The following SMYD3 variants were observed in gnomAD, a reference collection of about 807,000 sequenced individuals.
SMYD3 encodes the protein SET and MYND domain containing 3.
In SMYD3, 36 loss-of-function variants were observed where a neutral mutation model predicts 57.7. The ratio of observed to expected loss-of-function variants is 0.62; its 90% CI spans 0.48 to 0.82. The LOEUF (loss-of-function observed/expected upper bound fraction) is 0.82, where lower values mean the gene tolerates loss of function less well. Among genes scored for constraint, SMYD3 ranks in the 40% least tolerant of loss-of-function variants. The pLI, the probability that SMYD3 is intolerant of heterozygous loss-of-function variation, is 0.00. For synonymous variants in SMYD3, 211 were observed against 195.0 expected, an observed-to-expected ratio of 1.08 and a Z score of -0.68; for missense variants, 515 against 538.8, an observed-to-expected ratio of 0.96 and a Z score of 0.44.
intron 1 of SMYD3, among the ~76,000 whole-genome samples, chr1:246,386,682 A>G (rs936516386): frequency 6.6e-6 from 1 of 151,930 alleles, no homozygotes; most frequent in African/African-American, 2.4e-5. Context: ...GTTACTGAGG[A>G]GACCATATAA....
In SMYD3 at chr1:246,327,318, TTCAG is replaced by T. The variant is rs761630730; in HGVS notation, c.410_413del (p.Thr137LysfsTer11). The T allele has an allele frequency of 3.1e-6, 5 of 1,612,398 alleles. No individual in the cohort carries two copies. Among genetic ancestry groups the T allele is most frequent in the Non-Finnish European group, 3.4e-6 (4 of 1,179,442 alleles). On this transcript the variant is annotated frameshift_variant, in exon 5 of 12. Coordinates refer to ENST00000490107, the MANE Select transcript of SMYD3 (RefSeq NM_001167740.2). LOFTEE classifies it high-confidence loss of function. ...GTTGCCTGAGGCCCTCTTTCTTATC[TTCAG>T]TCAGTTTGTTAATATCTTTTTTAAA...
intron 5 of SMYD3, among the ~76,000 whole-genome samples, chr1:245,995,087 G>A (rs1029989937): frequency 2.0e-5 from 3 of 151,986 alleles, no homozygotes; most frequent in African/African-American, 7.3e-5. Flanking sequence ...GCAAGACTCC[G>A]TCTCAAAAAA....
intron 8 of SMYD3, among the ~76,000 whole-genome samples, chr1:245,872,270 C>G (rs147806580): frequency 1.5e-3 from 231 of 152,280 alleles, no homozygotes; most frequent in African/African-American, 4.9e-3. Flanking sequence ...TAACAGATGT[C>G]CACAAGCAGG....
intron 5 of SMYD3, among the ~76,000 whole-genome samples, chr1:246,276,020 T>C (rs2064324037): frequency 1.6e-5 from 2 of 126,580 alleles, no homozygotes; most frequent in South Asian, 3.5e-4. Context: ...ATACTAACTC[T>C]GTTTTTCACT....
intron 5 of SMYD3, among the ~76,000 whole-genome samples, chr1:245,958,171 G>C (rs1198110117): frequency 3.9e-5 from 6 of 152,182 alleles, no homozygotes; most frequent in Non-Finnish European, 8.8e-5. Context: ...AAGGCTCAAA[G>C]AGGCTTAAGT....
intron 10 of SMYD3, among the ~76,000 whole-genome samples, chr1:245,833,073 A>AAAAAAAAAAAAAAAAAAAACACAAT: frequency 7.8e-6 from 1 of 128,652 alleles, no homozygotes; most frequent in Admixed American, 7.7e-5. Context: ...AAAAAAAAAA[A>AAAAAAAAAAAAAAAAAAAACACAAT]AACCTGCTTT....
At chr1:246,114,113 A>G (rs914051042) in intron 5 of SMYD3, among the ~76,000 whole-genome samples, 4 of 149,886 alleles carry the variant, frequency 2.7e-5, no homozygotes, top group African/African-American at 1.0e-4. Context: ...GAAAAGCACT[A>G]ATTTCAGATG....
intron 9 of SMYD3, among the ~76,000 whole-genome samples, chr1:245,862,389 T>C (rs2051597693): frequency 6.6e-6 from 1 of 152,228 alleles, no homozygotes; most frequent in Non-Finnish European, 1.5e-5. Flanking sequence ...TTCTTATGCA[T>C]ATTTACATAT....
intron 7 of SMYD3, among the ~76,000 whole-genome samples, chr1:245,924,707 G>A (rs886549867): frequency 2.0e-5 from 3 of 148,640 alleles, no homozygotes; most frequent in Non-Finnish European, 3.0e-5. Context: ...CTGTCGCCCA[G>A]GCTGGAGTGC....
chr1:245,832,705 G>A (rs34443198), intron 10 of SMYD3, among the ~76,000 whole-genome samples: 18,753 of 152,038 alleles, frequency 0.12, 1,272 homozygotes, highest in South Asian at 0.21. Context: ...GAATCTTAGA[G>A]GGACAAGTTG....
chr1:246,334,078 C>T (rs1325345717), intron 3 of SMYD3, among the ~76,000 whole-genome samples: 3 of 151,838 alleles, frequency 2.0e-5, no homozygotes, highest in African/African-American at 7.3e-5. Context: ...AAAACACATG[C>T]TGGTGAGGCT....
chr1:246,168,226 T>C lies in SMYD3; in HGVS notation c.531+158975A>G, dbSNP rs115509797. Among the ~76,000 whole-genome samples the C allele has an allele frequency of 5.8e-3, 878 of 152,282 alleles. 10 individuals carry two copies. The highest frequency in any genetic ancestry group is 4.9e-3 in the Non-Finnish European group (330 of 68,030). On this transcript the variant is annotated intron_variant, in intron 5 of 11. Coordinates refer to ENST00000490107, the MANE Select transcript of SMYD3 (RefSeq NM_001167740.2). ...TGACACATAGAAAAGCTATAAAATG[T>C]TTCAAAAGCCAATAAAAGTATGCAC...
chr1:245,852,384 G>T (rs551163378), intron 10 of SMYD3, among the ~76,000 whole-genome samples: 4 of 152,196 alleles, frequency 2.6e-5, no homozygotes, highest in African/African-American at 9.6e-5. Flanking sequence ...TTACCCAAAC[G>T]TACAGGTGGC....
At chr1:246,265,080 A>G (rs2064078966) in intron 5 of SMYD3, among the ~76,000 whole-genome samples, 1 of 152,212 alleles carries the variant, frequency 6.6e-6, no homozygotes, top group African/African-American at 2.4e-5. Context: ...TAAAATATTA[A>G]TTGCTCTTGC....
intron 1 of SMYD3, among the ~76,000 whole-genome samples, chr1:246,450,495 T>C (rs1472467108): frequency 6.6e-6 from 1 of 152,228 alleles, no homozygotes; most frequent in African/African-American, 2.4e-5. Context: ...AAGATGGCAG[T>C]GATCTATAAT....
At chr1:245,923,923 G>A (rs1017743106) in intron 7 of SMYD3, among the ~76,000 whole-genome samples, 5 of 152,196 alleles carry the variant, frequency 3.3e-5, no homozygotes, top group African/African-American at 7.2e-5. Context: ...CAGTGAATTC[G>A]TTTAATGGTT....
chr1:245,912,522 A>G (rs1333845701), intron 8 of SMYD3, among the ~76,000 whole-genome samples: 2 of 152,174 alleles, frequency 1.3e-5, no homozygotes, highest in Non-Finnish European at 2.9e-5. Context: ...ATTAACATGA[A>G]AACACAAAAG....
chr1:245,872,816 G>A (rs1485293304), intron 8 of SMYD3, among the ~76,000 whole-genome samples: 1 of 152,172 alleles, frequency 6.6e-6, no homozygotes, highest in Non-Finnish European at 1.5e-5. Context: ...ACACAGAATT[G>A]CCAGAAGGAA....
At chr1:246,412,775 T>G (rs2066997325) in intron 1 of SMYD3, among the ~76,000 whole-genome samples, 1 of 151,056 alleles carries the variant, frequency 6.6e-6, no homozygotes, top group Admixed American at 6.6e-5. Flanking sequence ...GGAGAATGGC[T>G]TGAACTCGGG....
Sources: gnomAD v4.1 joint callset for allele counts (sites outside exome capture counted in the v4.1 genomes callset) on GRCh38, gnomAD v4.1.1 for gene constraint, MANE v1.5 for transcripts, NCBI Gene and HGNC (gene_info 2026-07-23, HGNC 2026-07-21) for gene names.